Variants in CFAP299 observed in about 807,000 individuals in gnomAD.
CFAP299 encodes cilia- and flagella-associated protein 299.
In CFAP299, 21 loss-of-function variants were observed where a neutral mutation model predicts 27.0. The ratio of observed to expected loss-of-function variants is 0.78; its 90% confidence interval spans 0.55 to 1.12. The LOEUF (loss-of-function observed/expected upper bound fraction) is 1.12, where lower values mean the gene tolerates loss of function less well. Among genes scored for constraint, CFAP299 ranks in the 50% most tolerant of loss-of-function variants. The probability of loss-of-function intolerance (pLI) is 0.00; values close to 1 mark genes in which losing one functional copy is unlikely to be tolerated. For missense variants in CFAP299, 310 were observed against 276.6 expected (o/e 1.12, Z -0.86); for synonymous variants, 104 against 98.1 (o/e 1.06, Z -0.36).
chr4:80,899,707 G>A (rs967308445), intron 4 of CFAP299, among the ~76,000 whole-genome samples: 11 of 152,228 alleles, frequency 7.2e-5, no homozygotes, highest in Admixed American at 2.0e-4. Flanking sequence ...AGAAATACAC[G>A]GTGGTAAAAA....
rs185336524 is a variant in CFAP299, at chr4:80,886,954, G to A, written c.476+16819G>A. Among the ~76,000 whole-genome samples, 475 of 152,116 alleles carry A rather than the reference G, an allele frequency of 3.1e-3. 1 individual carries two copies. Among genetic ancestry groups the A allele is most frequent in the Middle Eastern group, 6.8e-3 (2 of 294 alleles). On this transcript the variant is annotated intron_variant, in intron 4 of 5. Coordinates refer to ENST00000358105, the MANE Select transcript of CFAP299 (RefSeq NM_152770.3). ...CTGACATACTGAAGAATGTATCAGA[G>A]TCTCTTAATACTAGAATTGATCAAG... is the stretch of plus-strand genomic sequence containing the variant.
intron 2 of CFAP299, among the ~76,000 whole-genome samples, chr4:80,431,126 A>C (rs1727793588): frequency 6.6e-6 from 1 of 152,180 alleles, no homozygotes; most frequent in Non-Finnish European, 1.5e-5. Context: ...TGTCTAACAT[A>C]GTACATATTG....
At chr4:80,947,079 G>T (rs2110232881) in intron 5 of CFAP299, among the ~76,000 whole-genome samples, 2 of 152,214 alleles carry the variant, frequency 1.3e-5, no homozygotes, top group Middle Eastern at 3.4e-3. Context: ...GTGAACTGTT[G>T]CTTAAACATC....
At chr4:80,813,502 A>T (rs932106612) in intron 3 of CFAP299, among the ~76,000 whole-genome samples, 1 of 152,008 alleles carries the variant, frequency 6.6e-6, no homozygotes, top group African/African-American at 2.4e-5. Flanking sequence ...CAGAAAGGAC[A>T]TCCTTTTCTG....
chr4:80,512,589 G>A (rs1007917698), intron 2 of CFAP299, among the ~76,000 whole-genome samples: 1 of 152,046 alleles, frequency 6.6e-6, no homozygotes, highest in Non-Finnish European at 1.5e-5. Context: ...AGGCGATGAG[G>A]AAAGGAGTTA....
chr4:80,933,219 CTA>C (rs888990932), intron 4 of CFAP299, among the ~76,000 whole-genome samples: 11 of 150,430 alleles, frequency 7.3e-5, no homozygotes, highest in African/African-American at 2.7e-4. Flanking sequence ...ACCTACAGTA[CTA>C]TATTATTACT....
At chr4:80,384,089 A>T (rs536009156) in intron 2 of CFAP299, among the ~76,000 whole-genome samples, 1 of 152,090 alleles carries the variant, frequency 6.6e-6, no homozygotes, top group Non-Finnish European at 1.5e-5. Context: ...GATAAGACTC[A>T]TTCTTCCTCC....
intron 2 of CFAP299, among the ~76,000 whole-genome samples, chr4:80,409,791 A>G (rs142052447): frequency 7.9e-5 from 12 of 152,216 alleles, no homozygotes; most frequent in African/African-American, 2.4e-4. Context: ...CATGAGTACA[A>G]AGCAAGACGT....
In CFAP299 at chr4:80,501,026, A is replaced by C. The variant is rs1731714184; in HGVS notation, c.243-82067A>C. Among the ~76,000 whole-genome samples the C allele has an allele frequency of 3.3e-5, 5 of 152,168 alleles. No individual in the cohort carries two copies. In the South Asian group the frequency reaches 1.0e-3, roughly 32 times the overall value. On this transcript the variant is annotated intron_variant, in intron 2 of 5. Transcript: ENST00000358105. Reference sequence around the variant, plus strand: ...AATCATAGCTATCTAAGTCTGTCTAAAATTGTTCTGATTGTTTAATTGAAA... The same window carrying C: ...AATCATAGCTATCTAAGTCTGTCTACAATTGTTCTGATTGTTTAATTGAAA...
chr4:80,503,768 C>A (rs985462841), intron 2 of CFAP299, among the ~76,000 whole-genome samples: 1 of 152,150 alleles, frequency 6.6e-6, no homozygotes, highest in African/African-American at 2.4e-5. Context: ...ACCTTACTCA[C>A]CTTTGTGCTT....
At chr4:80,795,176 G>C (rs1727784512) in intron 3 of CFAP299, among the ~76,000 whole-genome samples, 1 of 152,144 alleles carries the variant, frequency 6.6e-6, no homozygotes, top group African/African-American at 2.4e-5. Context: ...TTCAGTTTTT[G>C]ACCACTCAGA....
intron 1 of CFAP299, among the ~76,000 whole-genome samples, chr4:80,336,259 G>C (rs1393787181): frequency 6.6e-6 from 1 of 152,188 alleles, no homozygotes; most frequent in African/African-American, 2.4e-5. Flanking sequence ...ACAGACACCT[G>C]TTTCTCTCTG....
chr4:80,363,548 C>T (rs184772800), intron 2 of CFAP299, among the ~76,000 whole-genome samples: 2 of 152,180 alleles, frequency 1.3e-5, no homozygotes, highest in Admixed American at 6.5e-5. Context: ...AGTATACTAT[C>T]ATTGGATAAC....
intron 2 of CFAP299, among the ~76,000 whole-genome samples, chr4:80,524,116 A>C (rs1733054404): frequency 6.6e-6 from 1 of 152,166 alleles, no homozygotes; most frequent in Admixed American, 6.6e-5. Context: ...CTCAAACTTT[A>C]TATAATACAG....
At chr4:80,809,533 A>G (rs1015797190) in intron 3 of CFAP299, among the ~76,000 whole-genome samples, 1 of 152,130 alleles carries the variant, frequency 6.6e-6, no homozygotes, top group African/African-American at 2.4e-5. Flanking sequence ...CATGTTGAAA[A>G]TGAGTCATAA....
chr4:80,961,480 A>G (rs761101088), intron 5 of CFAP299, among the ~76,000 whole-genome samples: 7 of 151,818 alleles, frequency 4.6e-5, no homozygotes, highest in Non-Finnish European at 7.4e-5. Context: ...TTTTATGATT[A>G]TTTGATTTAT....
chr4:80,527,777 T>C (rs1169116027), intron 2 of CFAP299, among the ~76,000 whole-genome samples: 1 of 152,150 alleles, frequency 6.6e-6, no homozygotes, highest in Non-Finnish European at 1.5e-5. Context: ...TTGCTTTTTT[T>C]CAACATTGTA....
chr4:80,731,974 G>A (rs1376656614), intron 3 of CFAP299, among the ~76,000 whole-genome samples: 1 of 151,732 alleles, frequency 6.6e-6, no homozygotes, highest in Non-Finnish European at 1.5e-5. Flanking sequence ...GTTACTAAAA[G>A]CATCCATAGA....
chr4:80,611,655 A>T (rs978863600), intron 3 of CFAP299, among the ~76,000 whole-genome samples: 4 of 151,978 alleles, frequency 2.6e-5, no homozygotes, highest in Admixed American at 2.0e-4. Flanking sequence ...TTCAAATCAA[A>T]ATTGCAATTT....
Sources: gnomAD v4.1 joint callset for allele counts (sites outside exome capture counted in the v4.1 genomes callset) on GRCh38, gnomAD v4.1.1 for gene constraint, MANE v1.5 for transcripts, NCBI Gene and HGNC (gene_info 2026-07-23, HGNC 2026-07-21) for gene names.